Variants in ABL2 observed in about 807,000 individuals in gnomAD.
The protein encoded by ABL2 is ABL proto-oncogene 2, non-receptor tyrosine kinase.
In ABL2, 49 loss-of-function variants were observed where a neutral mutation model predicts 107.7. The observed-to-expected ratio is 0.45, with a 90% CI of 0.36 to 0.58. The LOEUF is 0.58. Ranked by LOEUF, ABL2 falls within the 20% of genes least tolerant of loss-of-function variation. The pLI is 0.00. For synonymous variants in ABL2, 549 were observed against 548.6 expected, an observed-to-expected ratio of 1.00 and a Z score of -0.01; for missense variants, 1,245 against 1,457.0, an observed-to-expected ratio of 0.85 and a Z score of 2.37.
rs77298709 is a variant in ABL2, at chr1:179,106,584, A to T, written c.*1134T>A. 0.012 allele frequency: 2,730 copies of T among 232,934 alleles called. 28 individuals carry two copies. Among genetic ancestry groups the T allele is most frequent in the Non-Finnish European group, 0.015 (1,774 of 117,870 alleles). 14.4% of individuals were successfully genotyped at this position (232,934 alleles called of 1,614,324 possible). On this transcript the variant is annotated 3_prime_UTR_variant, in exon 12 of 12. Coordinates refer to ENST00000502732, the MANE Select transcript of ABL2 (RefSeq NM_007314.4). ...CATAGAGAGGAGAATGCCTCTCCCT[A>T]TTCTCTACCTGGATTGGGCTTAAGG...
chr1:179,115,977 T>C (rs1346565248), intron 8 of ABL2, among the ~76,000 whole-genome samples: 1 of 151,482 alleles, frequency 6.6e-6, no homozygotes, highest in Non-Finnish European at 1.5e-5. Flanking sequence ...CTCAGAGCAG[T>C]AGAAACCAGA....
intron 1 of ABL2, among the ~76,000 whole-genome samples, chr1:179,157,588 T>C (rs1024709923): frequency 1.7e-4 from 26 of 152,058 alleles, no homozygotes; most frequent in Non-Finnish European, 5.9e-5. Flanking sequence ...GTCCCAAGCA[T>C]TTCAAATAAG....
At chr1:179,170,316 G>C (rs1276362737) in intron 1 of ABL2, among the ~76,000 whole-genome samples, 1 of 152,056 alleles carries the variant, frequency 6.6e-6, no homozygotes, top group Non-Finnish European at 1.5e-5. Context: ...TTTTTCAATA[G>C]CAATTACGTT....
intron 9 of ABL2, among the ~76,000 whole-genome samples, chr1:179,113,955 A>ATAAG (rs1654359842): frequency 6.8e-6 from 1 of 147,940 alleles, no homozygotes; most frequent in Non-Finnish European, 1.5e-5. Flanking sequence ...AAATAAATAA[A>ATAAG]TAAAAATACA....
rs1389469148 is a variant in ABL2, at chr1:179,121,996, G to A, written c.688-129C>T. On this transcript the variant is annotated intron_variant, in intron 4 of 11. Transcript: ENST00000502732. ...GCTGGAGTGCACTGGCGCGATCTCG[G>A]CTCACTGCAAGCTCCGCCTCCCGGG... 7 of 905,778 alleles carry A rather than the reference G, an allele frequency of 7.7e-6. No homozygotes were observed. The African/African-American group carries it at 1.3e-4, about 17-fold the overall frequency. 56.1% of individuals were successfully genotyped at this position (905,778 alleles called of 1,614,324 possible).
chr1:179,102,762 T>C lies in ABL2; in HGVS notation c.*4956A>G, dbSNP rs1653208601. Reference sequence around the variant, plus strand: ...AAGGGGTCATAATGAAATGTAGCTATAATTCAGAAGTGGCCACCAAGGCAA... The same window carrying C: ...AAGGGGTCATAATGAAATGTAGCTACAATTCAGAAGTGGCCACCAAGGCAA... On this transcript the variant is annotated 3_prime_UTR_variant, in exon 12 of 12. Transcript: ENST00000502732. 1 of 229,684 alleles carries C rather than the reference T, an allele frequency of 4.4e-6. No homozygotes were observed. Among genetic ancestry groups the C allele is most frequent in the Non-Finnish European group, 8.6e-6 (1 of 115,916 alleles). The allele number at this position is 229,684 out of a possible 1,614,324, so 14.2% of individuals were successfully genotyped here. A position where few individuals can be genotyped will look rare whatever the true frequency, so the allele number is the denominator to read the frequency against.
At chr1:179,229,170 G>GCCCCCCCCCCCCCCCCCCCCCCCC in intron 1 of ABL2, 71 bp downstream of exon 1, 1 of 266,256 alleles carries the variant, frequency 3.8e-6, no homozygotes, top group Non-Finnish European at 6.8e-6. Context: ...CAGCCCGTCC[G>GCCCCCCCCCCCCCCCCCCCCCCCC]CCACCCACCC....
At chr1:179,127,022 G>C (rs1246971300) in intron 3 of ABL2, among the ~76,000 whole-genome samples, 1 of 152,108 alleles carries the variant, frequency 6.6e-6, no homozygotes, top group Non-Finnish European at 1.5e-5. Flanking sequence ...CTCTTCAAAA[G>C]AAGAAAATTC....
chr1:179,203,206 A>C (rs1164908345), intron 1 of ABL2, among the ~76,000 whole-genome samples: 1 of 152,200 alleles, frequency 6.6e-6, no homozygotes, highest in African/African-American at 2.4e-5. Context: ...TAAATGGCTT[A>C]TATTTTTTCT....
chr1:179,176,146 T>C (rs1252812578), intron 1 of ABL2, among the ~76,000 whole-genome samples: 2 of 151,852 alleles, frequency 1.3e-5, no homozygotes, highest in East Asian at 1.9e-4. Context: ...TGAGACACCA[T>C]ACCTGGCCAA....
intron 1 of ABL2, chr1:179,143,122 T>C (rs4494100): frequency 6.4e-7 from 1 of 1,552,246 alleles, no homozygotes; most frequent in Admixed American, 1.9e-5. Flanking sequence ...TGACAAGCAA[T>C]ACCACATGCA....
chr1:179,153,904 GGTTT>G (rs1658523338), intron 1 of ABL2, among the ~76,000 whole-genome samples: 1 of 133,494 alleles, frequency 7.5e-6, no homozygotes, highest in African/African-American at 2.5e-5. Context: ...TCCTACTCCT[GGTTT>G]GTTTCTCTTC....
At chr1:179,215,952 T>C (rs922041973) in intron 1 of ABL2, among the ~76,000 whole-genome samples, 2 of 152,228 alleles carry the variant, frequency 1.3e-5, no homozygotes, top group Admixed American at 1.3e-4. Flanking sequence ...AGAAACATGT[T>C]AACAAAATTA....
At position 179,126,411 on chromosome 1, in the gene ABL2, T is replaced by C. The variant is rs755105872; in HGVS notation, c.653A>G (p.Tyr218Cys). Reference sequence around the variant, plus strand: ...TGCAGTGGTATTGATCCTGTAGTGATACACACGTCCCTCGTACCTGAGCGA... The same window carrying C: ...TGCAGTGGTATTGATCCTGTAGTGACACACACGTCCCTCGTACCTGAGCGA... The part of the protein sequence containing the change: ...SISLRYEGRV[Y>C]HYRINTTADG... Residue 218 changes from tyrosine to cysteine, a missense_variant, in exon 4 of 12, where the codon TAT (tyrosine) becomes TGT (cysteine). Transcript: ENST00000502732. This position sits in a 1 kb window ranked among gnomAD's most constrained non-coding sequence, Gnocchi z 4.4. 2 of 1,614,216 alleles carry C rather than the reference T, an allele frequency of 1.2e-6. No homozygotes were observed. The highest frequency in any genetic ancestry group is 8.5e-7 in the Non-Finnish European group (1 of 1,180,044).
chr1:179,154,209 C>T (rs1484348518), intron 1 of ABL2, among the ~76,000 whole-genome samples: 2 of 152,214 alleles, frequency 1.3e-5, no homozygotes, highest in South Asian at 4.1e-4. Context: ...ATAATCCCCA[C>T]AAGTTCCCCA....
intron 1 of ABL2, among the ~76,000 whole-genome samples, chr1:179,209,540 T>C (rs902598698): frequency 2.0e-5 from 3 of 152,202 alleles, no homozygotes; most frequent in Non-Finnish European, 4.4e-5. Flanking sequence ...AAAAAATAAC[T>C]ACTTTTTCTC....
At chr1:179,130,978 T>C (rs1356585091) in intron 3 of ABL2, among the ~76,000 whole-genome samples, 1 of 151,516 alleles carries the variant, frequency 6.6e-6, no homozygotes, top group Non-Finnish European at 1.5e-5. Flanking sequence ...TCTCACTCTG[T>C]CACCCAGGCT....
intron 1 of ABL2, among the ~76,000 whole-genome samples, chr1:179,138,868 C>G (rs1657291895): frequency 6.6e-6 from 1 of 152,230 alleles, no homozygotes; most frequent in Non-Finnish European, 1.5e-5. Context: ...ACCGGGGCTG[C>G]CTGCCGCGCT....
chr1:179,144,581 G>C (rs1410118444), intron 1 of ABL2, among the ~76,000 whole-genome samples: 1 of 152,170 alleles, frequency 6.6e-6, no homozygotes, highest in African/African-American at 2.4e-5. Context: ...ATAAGTAACA[G>C]GGTAAGATAA....
Sources: gnomAD v4.1 joint callset for allele counts (sites outside exome capture counted in the v4.1 genomes callset) on GRCh38, gnomAD v4.1.1 for gene constraint, Gnocchi (gnomAD v3.1) non-coding constraint, MANE v1.5 for transcripts, NCBI Gene and HGNC (gene_info 2026-07-23, HGNC 2026-07-21) for gene names.